HID1: variants seen among roughly 807,000 people sequenced by gnomAD.
The protein encoded by HID1 is HID1 domain containing.
Under a neutral mutation model 89.7 loss-of-function variants are expected in HID1, and 42 were observed. That is an observed-to-expected ratio of 0.47 (90% CI 0.37 to 0.61). The LOEUF is 0.61. HID1 is among the 20% of genes least tolerant of loss of function. The pLI is 0.00. For missense variants in HID1, 854 were observed against 1,039.3 expected (o/e 0.82, Z 2.45); for synonymous variants, 442 against 433.8 (o/e 1.02, Z -0.24).
chr17:74,956,327 G>A (rs547337076), intron 12 of HID1, among the ~76,000 whole-genome samples: 45 of 152,304 alleles, frequency 3.0e-4, no homozygotes, highest in African/African-American at 1.1e-3. Flanking sequence ...AAGTTCCCCA[G>A]TAATGAAATG....
chr17:74,964,879 C>A (rs1301372711), intron 1 of HID1, among the ~76,000 whole-genome samples: 1 of 152,206 alleles, frequency 6.6e-6, no homozygotes, highest in African/African-American at 2.4e-5. Flanking sequence ...AGCCAAAGCC[C>A]AACGCCACCC....
At chr17:74,961,738 C>T (rs981686993) in intron 6 of HID1, 135 bp downstream of exon 6, 19 of 466,230 alleles carry the variant, frequency 4.1e-5, no homozygotes, top group African/African-American at 3.4e-4. Context: ...TGAGGTGTGG[C>T]TGGTAAGTTA....
chr17:74,964,615 A>G lies in HID1; in HGVS notation c.84T>C (p.Asp28=), dbSNP rs1446465462. ...TTKTQPVEAT[D]DAFWDQFWAD... Reference sequence around the variant, plus strand: ...CCCAGAACTGGTCCCAAAAGGCATCATCGGTGGCTTCCACGGGCTGTGGGG... The same window carrying G: ...CCCAGAACTGGTCCCAAAAGGCATCGTCGGTGGCTTCCACGGGCTGTGGGG... Residue 28 remains aspartate (D), a synonymous_variant, in exon 2 of 19, where the codon GAT becomes GAC. Coordinates refer to ENST00000425042, the MANE Select transcript of HID1 (RefSeq NM_030630.3). 14 of 1,612,396 alleles carry G rather than the reference A, an allele frequency of 8.7e-6. No individual in the cohort carries two copies. The highest frequency in any genetic ancestry group is 1.1e-5 in the Non-Finnish European group (13 of 1,179,584).
chr17:74,951,473 G>T lies in HID1; in HGVS notation c.*97C>A. On this transcript the variant is annotated 3_prime_UTR_variant, in exon 19 of 19. Coordinates refer to ENST00000425042, the MANE Select transcript of HID1 (RefSeq NM_030630.3). Reference sequence around the variant, plus strand: ...GGCCACTCTGCCTGTTCCAGGCCCTGATCGTGGTAATTTAAAGCTCAGAAT... The same window carrying T: ...GGCCACTCTGCCTGTTCCAGGCCCTTATCGTGGTAATTTAAAGCTCAGAAT... 1.6e-6 allele frequency: 2 copies of T among 1,216,636 alleles called. No homozygotes were observed. The highest frequency in any genetic ancestry group is 2.4e-6 in the Non-Finnish European group (2 of 842,122). 75.4% of individuals were successfully genotyped at this position (1,216,636 alleles called of 1,614,324 possible).
At chr17:74,965,957 G>A (rs1042488077) in intron 1 of HID1, among the ~76,000 whole-genome samples, 1 of 151,160 alleles carries the variant, frequency 6.6e-6, no homozygotes, top group Non-Finnish European at 1.5e-5. Context: ...CTTCGTCTAG[G>A]ATGCTCACAA....
Position 74,954,293 on chromosome 17 carries a change from T to A in HID1, c.1709A>T (p.Asp570Val). 6.3e-7 allele frequency: 1 copy of A among 1,587,652 alleles called. No homozygotes were observed. Among genetic ancestry groups the A allele is most frequent in the Non-Finnish European group, 8.6e-7 (1 of 1,167,858 alleles). ...IFHQLANLPT[D>V]PPTIHKALQR... ...CAGGGCCTTGTGAATGGTGGGCGGG[T>A]CCGTGGGCAGGTTGGCCAGCTGGTG... Residue 570 changes from aspartate to valine, a missense_variant, in exon 14 of 19, where the codon GAC becomes GTC. Asp to Val is a radical substitution (Grantham distance 152, BLOSUM62 -3). Coordinates refer to ENST00000425042, the MANE Select transcript of HID1 (RefSeq NM_030630.3).
At chr17:74,954,412 C>T in intron 13 of HID1, 47 bp from the exon 14 acceptor site, 2 of 1,547,780 alleles carry the variant, frequency 1.3e-6, no homozygotes, top group Non-Finnish European at 1.7e-6. Context: ...CCCTCCAGCT[C>T]CCCCCGTCCA....
In HID1 at chr17:74,963,082, C is replaced by A. The variant is rs113361884; in HGVS notation, c.388-1G>T. 4.3e-3 allele frequency: 6,807 copies of A among 1,595,680 alleles called. 253 individuals are homozygous for A. The African/African-American group carries it at 0.08, about 19-fold the overall frequency. ...CATGCTCATCATCCTCTTCTCCCTG[C>A]TGGGGACACAGCACCCACAGGCTGC... On this transcript the variant is annotated splice_acceptor_variant, in intron 3 of 18. Transcript: ENST00000425042. LOFTEE classifies it high-confidence loss of function.
At position 74,972,751 on chromosome 17, in the gene HID1, G is replaced by T. The variant is rs556651973; in HGVS notation, c.-95C>A. The T allele has an allele frequency of 3.3e-6, 4 of 1,224,314 alleles. No homozygotes were observed. Among genetic ancestry groups the T allele is most frequent in the South Asian group, 1.7e-5 (1 of 59,526 alleles). 75.8% of individuals were successfully genotyped at this position (1,224,314 alleles called of 1,614,324 possible). On this transcript the variant is annotated 5_prime_UTR_variant, in exon 1 of 19. Transcript: ENST00000425042. The surrounding 1 kb of genome is among the most constrained non-coding windows in gnomAD (Gnocchi z 6.4). ...CAGCTCCGCGGCCCCCGCGGCTCTC[G>T]CAGGAGACAAGCGGCGCGCCCCGCC...
intron 1 of HID1, among the ~76,000 whole-genome samples, chr17:74,967,375 T>TA (rs1433239585): frequency 6.6e-6 from 1 of 150,464 alleles, no homozygotes; most frequent in African/African-American, 2.4e-5. Flanking sequence ...CCCTCTTTAC[T>TA]AAAAATACAA....
At position 74,951,901 on chromosome 17, in the gene HID1, C is replaced by A; in HGVS notation, c.2303+4G>T. Reference sequence around the variant, plus strand: ...TGGACACCACCCCACTCCCCGGGGCCCACCTCAGATAGATGACGCCCCACA... The same window carrying A: ...TGGACACCACCCCACTCCCCGGGGCACACCTCAGATAGATGACGCCCCACA... On this transcript the variant is annotated splice_donor_region_variant and intron_variant, in intron 18 of 18. Transcript: ENST00000425042. 6.6e-7 allele frequency: 1 copy of A among 1,514,068 alleles called. No homozygotes were observed. Among genetic ancestry groups the A allele is most frequent in the South Asian group, 1.3e-5 (1 of 75,876 alleles). 93.8% of individuals were successfully genotyped at this position (1,514,068 alleles called of 1,614,324 possible).
chr17:74,952,275 A>G lies in HID1; in HGVS notation c.2138T>C (p.Ile713Thr), dbSNP rs1344441699. 1.2e-6 allele frequency: 2 copies of G among 1,612,438 alleles called. No homozygotes were observed. Among genetic ancestry groups the G allele is most frequent in the African/African-American group, 2.7e-5 (2 of 74,722 alleles). The change falls in exon 17 of 19, where the codon ATT becomes ACT. Residue 713 changes from isoleucine (I) to threonine (T), a missense_variant. Transcript: ENST00000425042. ...CTGCCGGCGCCCGACTCACTTGTCAATGCAGATCTTCTCCACCTGCGGAAC... is the reference window on the plus strand; with the variant it reads ...CTGCCGGCGCCCGACTCACTTGTCAGTGCAGATCTTCTCCACCTGCGGAAC... ...VLVPQVEKIC[I>T]DKGLTDESEI...
Position 74,958,220 on chromosome 17 carries a change from C to G in HID1, c.1393-1G>C. 6.2e-7 allele frequency: 1 copy of G among 1,610,218 alleles called. No homozygotes were observed. The highest frequency in any genetic ancestry group is 8.5e-7 in the Non-Finnish European group (1 of 1,178,460). On this transcript the variant is annotated splice_acceptor_variant, in intron 11 of 18. Coordinates refer to ENST00000425042, the MANE Select transcript of HID1 (RefSeq NM_030630.3). LOFTEE classifies it high-confidence loss of function. The surrounding 1 kb of genome is among the most constrained non-coding windows in gnomAD (Gnocchi z 5.2). ...CGCTGGTGATGATCTTGTGGAACACCTGTGCCAGGAGGGACAGAGGCACCG... is the reference window on the plus strand; with the variant it reads ...CGCTGGTGATGATCTTGTGGAACACGTGTGCCAGGAGGGACAGAGGCACCG...
Position 74,960,218 on chromosome 17 carries a change from G to A in HID1, c.759C>T (p.Leu253=). Residue 253 remains leucine (L), a synonymous_variant, in exon 7 of 19, where the codon CTC becomes CTT. Transcript: ENST00000425042. ...RHALPLFTSL[L]NTVCAYDPVG... ...CAGGGTCATAGGCACACACGGTGTT[G>A]AGGAGGGAGGTGAAGAGGGGCAGGG... is the stretch of plus-strand genomic sequence containing the variant. The A allele has an allele frequency of 6.2e-7, 1 of 1,612,548 alleles. No homozygotes were observed. Among genetic ancestry groups the A allele is most frequent in the Non-Finnish European group, 8.5e-7 (1 of 1,179,986 alleles).
intron 1 of HID1, among the ~76,000 whole-genome samples, chr17:74,966,578 A>T (rs2039567155): frequency 6.6e-6 from 1 of 152,088 alleles, no homozygotes; most frequent in Admixed American, 6.6e-5. Flanking sequence ...ATAAAACCTG[A>T]GGTCCCTGCT....
At position 74,958,253 on chromosome 17, in the gene HID1, C is replaced by T. The variant is rs749705169; in HGVS notation, c.1393-34G>A. 2 of 1,607,796 alleles carry T rather than the reference C, an allele frequency of 1.2e-6. No individual in the cohort carries two copies. The highest frequency in any genetic ancestry group is 1.7e-6 in the Non-Finnish European group (2 of 1,177,286). ...GGAGGGACAGAGGCACCGTGGGGTCCCCGCTGCCTCCAGACTCAGCCAAGA... is the reference window on the plus strand; with the variant it reads ...GGAGGGACAGAGGCACCGTGGGGTCTCCGCTGCCTCCAGACTCAGCCAAGA... On this transcript the variant is annotated intron_variant, in intron 11 of 18. Transcript: ENST00000425042. This position sits in a 1 kb window ranked among gnomAD's most constrained non-coding sequence, Gnocchi z 5.2.
chr17:74,960,201 T>A lies in HID1; in HGVS notation c.776A>T (p.Tyr259Phe), dbSNP rs912429839. ...FTSLLNTVCA[Y>F]DPVGYGIPYN... is the part of the protein sequence containing the mutation. ...GGGGATCCCGTAGCCCACAGGGTCATAGGCACACACGGTGTTGAGGAGGGA... is the reference window on the plus strand; with the variant it reads ...GGGGATCCCGTAGCCCACAGGGTCAAAGGCACACACGGTGTTGAGGAGGGA... The change falls in exon 7 of 19, where the codon TAT (tyrosine) becomes TTT (phenylalanine). Residue 259 changes from tyrosine (Y) to phenylalanine (F), a missense_variant. Physicochemically the swap from Tyr to Phe is conservative, Grantham distance 22. Transcript: ENST00000425042. The A allele has an allele frequency of 1.1e-5, 18 of 1,613,428 alleles. No homozygotes were observed. Among genetic ancestry groups the A allele is most frequent in the Non-Finnish European group, 1.4e-5 (17 of 1,180,034 alleles).
rs929851296 is a variant in HID1, at chr17:74,959,247, G to T, written c.1009-196C>A. Among the ~76,000 whole-genome samples, 1 of 152,024 alleles carries T rather than the reference G, an allele frequency of 6.6e-6. No homozygotes were observed. The highest frequency in any genetic ancestry group is 1.5e-5 in the Non-Finnish European group (1 of 67,992). ...GGAAGCGGAGTCCCTCATAGCTGTG[G>T]ACAGCCCTGGCCCCTCCACTAGACT... On this transcript the variant is annotated intron_variant, in intron 8 of 18. Coordinates refer to ENST00000425042, the MANE Select transcript of HID1 (RefSeq NM_030630.3). The surrounding 1 kb of genome is among the most constrained non-coding windows in gnomAD (Gnocchi z 4.6).
At chr17:74,951,781 G>T in intron 18 of HID1, 124 bp downstream of exon 18, 3 of 1,365,940 alleles carry the variant, frequency 2.2e-6, no homozygotes, top group East Asian at 2.5e-5. Flanking sequence ...ACCAGGCAAG[G>T]CCGCCTTAGT....
Sources: gnomAD v4.1 joint callset for allele counts (sites outside exome capture counted in the v4.1 genomes callset) on GRCh38, gnomAD v4.1.1 for gene constraint, Gnocchi (gnomAD v3.1) non-coding constraint, MANE v1.5 for transcripts, NCBI Gene and HGNC (gene_info 2026-07-23, HGNC 2026-07-21) for gene names.